The following DOCK4 variants were observed in gnomAD, a reference collection of about 807,000 sequenced individuals.
The protein encoded by DOCK4 is dedicator of cytokinesis protein 4.
Under a neutral mutation model 268.1 loss-of-function variants are expected in DOCK4, and 97 were observed. The ratio of observed to expected loss-of-function variants is 0.36; its 90% CI spans 0.31 to 0.43. DOCK4 has a LOEUF of 0.43. Ranked by LOEUF, DOCK4 falls within the 20% of genes least tolerant of loss-of-function variation. The pLI is 1.00. For synonymous variants in DOCK4, 954 were observed against 887.2 expected, an observed-to-expected ratio of 1.08 and a Z score of -1.34; for missense variants, 2,145 against 2,455.7, an observed-to-expected ratio of 0.87 and a Z score of 2.67.
chr7:112,027,345 C>G lies in DOCK4; in HGVS notation c.38-23214G>C, dbSNP rs551057386. Reference sequence around the variant, plus strand: ...GTTCAAGAGATTCTCCCGCCTCAGCCTCCCAAGCAGCTGGGATTACAGGTG... The same window carrying G: ...GTTCAAGAGATTCTCCCGCCTCAGCGTCCCAAGCAGCTGGGATTACAGGTG... On this transcript the variant is annotated intron_variant, in intron 1 of 52. Coordinates refer to ENST00000428084, the MANE Select transcript of DOCK4 (RefSeq NM_001363540.2). 1.8e-3 allele frequency among the ~76,000 whole-genome samples: 277 copies of G among 152,260 alleles called. 4 individuals carry two copies. The highest frequency in any genetic ancestry group is 5.0e-4 in the Non-Finnish European group (34 of 68,022).
At chr7:111,740,726 C>T (rs935630496) in intron 47 of DOCK4, among the ~76,000 whole-genome samples, 4 of 22,738 alleles carry the variant, frequency 1.8e-4, no homozygotes, top group Admixed American at 5.7e-4. Flanking sequence ...GAGTGAGACT[C>T]GCTAAAAAAA....
chr7:111,901,871 A>G (rs1791180662), intron 13 of DOCK4, 70 bp from the exon 14 acceptor site: 1 of 1,232,466 alleles, frequency 8.1e-7, no homozygotes, highest in Non-Finnish European at 1.1e-6. Flanking sequence ...CTCTATCAAG[A>G]AAAACTTTAG....
At chr7:111,796,044 G>C (rs1003606962) in intron 30 of DOCK4, among the ~76,000 whole-genome samples, 2 of 152,168 alleles carry the variant, frequency 1.3e-5, no homozygotes, top group Non-Finnish European at 2.9e-5. Context: ...AGGTCCTCAT[G>C]ATCTCTGCTG....
intron 36 of DOCK4, among the ~76,000 whole-genome samples, chr7:111,776,729 C>A (rs1170067218): frequency 3.9e-5 from 6 of 152,158 alleles, no homozygotes; most frequent in Admixed American, 1.3e-4. Context: ...GAAAACTATG[C>A]CCATACATAT....
At position 111,728,406 on chromosome 7, in the gene DOCK4, G is replaced by A. The variant is rs750839061; in HGVS notation, c.5796C>T (p.Pro1932=). ...GCAGCGCGGGCGGCTCCGACGTGAC[G>A]GGGATGGAGAGGCTGTGAGGTAGCG... The part of the protein sequence containing the change: ...PVPLPHSLSI[P]VTSEPPALPP... The change falls in exon 53 of 53, where the codon CCC becomes CCT. Residue 1932 remains proline, a synonymous_variant. Transcript: ENST00000428084. 10 of 1,567,540 alleles carry A rather than the reference G, an allele frequency of 6.4e-6. No homozygotes were observed. Among genetic ancestry groups the A allele is most frequent in the Admixed American group, 3.5e-5 (2 of 56,564 alleles).
intron 16 of DOCK4, among the ~76,000 whole-genome samples, chr7:111,886,964 T>C (rs892870159): frequency 2.0e-5 from 3 of 152,224 alleles, no homozygotes; most frequent in Non-Finnish European, 4.4e-5. Flanking sequence ...TACGGGCATA[T>C]TGAGGCAACT....
chr7:111,847,156 T>A (rs1474809493), intron 23 of DOCK4, 30 bp from the exon 24 acceptor site: 1 of 1,612,476 alleles, frequency 6.2e-7, no homozygotes, highest in African/African-American at 1.3e-5. Flanking sequence ...TAGTGTCACA[T>A]CTGTTGGAGT....
chr7:112,077,498 A>G (rs1325331960), intron 1 of DOCK4, among the ~76,000 whole-genome samples: 1 of 152,136 alleles, frequency 6.6e-6, no homozygotes, highest in Admixed American at 6.5e-5. Context: ...ATTACGCATC[A>G]TTTCTACAGT....
chr7:112,178,500 A>G (rs889608746), intron 1 of DOCK4, among the ~76,000 whole-genome samples: 2 of 152,146 alleles, frequency 1.3e-5, no homozygotes, highest in Non-Finnish European at 2.9e-5. Context: ...TCGGCTTCCC[A>G]TCCCTACAAC....
intron 30 of DOCK4, among the ~76,000 whole-genome samples, chr7:111,804,406 T>G (rs1800518417): frequency 6.6e-6 from 1 of 151,994 alleles, no homozygotes; most frequent in East Asian, 1.9e-4. Context: ...AGACAGAAAG[T>G]AGAATGGTAG....
At chr7:112,011,495 C>T (rs1801299800) in intron 1 of DOCK4, among the ~76,000 whole-genome samples, 1 of 152,068 alleles carries the variant, frequency 6.6e-6, no homozygotes, top group South Asian at 2.1e-4. Flanking sequence ...TTAGTTCTAA[C>T]CTTCTATGAC....
At chr7:111,792,933 C>A (rs146008164) in intron 30 of DOCK4, among the ~76,000 whole-genome samples, 2 of 152,238 alleles carry the variant, frequency 1.3e-5, no homozygotes, top group Non-Finnish European at 2.9e-5. Flanking sequence ...CATATCTTGG[C>A]ACAGAAAGTA....
intron 1 of DOCK4, among the ~76,000 whole-genome samples, chr7:112,205,792 C>T (rs1821354039): frequency 6.6e-6 from 1 of 151,944 alleles, no homozygotes; most frequent in African/African-American, 2.4e-5. Flanking sequence ...CACACACACA[C>T]ACACACGCCC....
rs750195279 is a variant in DOCK4 at position 112,112,289 on chromosome 7, G to A, written c.37+93813C>T. On this transcript the variant is annotated intron_variant, in intron 1 of 52. Coordinates refer to ENST00000428084, the MANE Select transcript of DOCK4 (RefSeq NM_001363540.2). Reference sequence around the variant, plus strand: ...TGCTCCCTCTCTCACCCTGTGAAACGCCTGCTCCCTCTTCACCTTCCGCCA... The same window carrying A: ...TGCTCCCTCTCTCACCCTGTGAAACACCTGCTCCCTCTTCACCTTCCGCCA... 5.5e-4 allele frequency among the ~76,000 whole-genome samples: 83 copies of A among 152,114 alleles called. 1 individual carries two copies. The highest frequency in any genetic ancestry group is 2.1e-3 in the Admixed American group (32 of 15,266).
At chr7:111,920,781 T>C (rs1793049603) in intron 12 of DOCK4, among the ~76,000 whole-genome samples, 2 of 151,970 alleles carry the variant, frequency 1.3e-5, no homozygotes, top group African/African-American at 2.4e-5. Flanking sequence ...ATAAGAAACT[T>C]ATACAGAGAG....
chr7:112,191,112 T>A (rs565831148), intron 1 of DOCK4, among the ~76,000 whole-genome samples: 1 of 152,284 alleles, frequency 6.6e-6, no homozygotes, highest in South Asian at 2.1e-4. Flanking sequence ...CAGGGCCTCA[T>A]TATGTTGCCC....
At chr7:111,811,411 C>G (rs958751896) in intron 28 of DOCK4, among the ~76,000 whole-genome samples, 1 of 152,118 alleles carries the variant, frequency 6.6e-6, no homozygotes, top group African/African-American at 2.4e-5. Context: ...TGTAGGCACC[C>G]AGGCATATCA....
chr7:111,986,505 G>A (rs929687957), intron 6 of DOCK4, among the ~76,000 whole-genome samples: 4 of 152,150 alleles, frequency 2.6e-5, no homozygotes, highest in African/African-American at 9.7e-5. Context: ...AATCAAGGAA[G>A]TGCCTTACAA....
intron 30 of DOCK4, among the ~76,000 whole-genome samples, chr7:111,805,295 G>A (rs1024189384): frequency 3.9e-5 from 6 of 152,172 alleles, no homozygotes; most frequent in African/African-American, 1.2e-4. Flanking sequence ...GGCGACAGCA[G>A]AAGAGAAGTT....
Sources: gnomAD v4.1 joint callset for allele counts (sites outside exome capture counted in the v4.1 genomes callset) on GRCh38, gnomAD v4.1.1 for gene constraint, MANE v1.5 for transcripts, NCBI Gene and HGNC (gene_info 2026-07-23, HGNC 2026-07-21) for gene names.